Variants in DPP10 observed in about 807,000 individuals in gnomAD.
DPP10 encodes inactive dipeptidyl peptidase 10.
In DPP10, 33 loss-of-function variants were observed where a neutral mutation model predicts 120.9. The observed-to-expected ratio is 0.27, with a 90% CI of 0.21 to 0.37. The LOEUF is 0.37. Among genes scored for constraint, DPP10 ranks in the 10% least tolerant of loss-of-function variants. The pLI is 1.00. For missense variants in DPP10, 816 were observed against 942.8 expected (o/e 0.87, Z 1.76); for synonymous variants, 337 against 326.1 (o/e 1.03, Z -0.36).
chr2:115,013,993 C>G (rs760467999), intron 1 of DPP10, among the ~76,000 whole-genome samples: 3 of 152,066 alleles, frequency 2.0e-5, no homozygotes, highest in Non-Finnish European at 4.4e-5. Context: ...ACCAAGCAGA[C>G]CTAGTAGACA....
intron 11 of DPP10, among the ~76,000 whole-genome samples, chr2:115,754,695 T>A (rs2149758378): frequency 6.6e-6 from 1 of 152,242 alleles, no homozygotes; most frequent in African/African-American, 2.4e-5. Flanking sequence ...ATATGATCAA[T>A]ACTATATATG....
chr2:115,242,896 C>G (rs2058355014), intron 1 of DPP10, among the ~76,000 whole-genome samples: 1 of 152,000 alleles, frequency 6.6e-6, no homozygotes, highest in Admixed American at 6.6e-5. Flanking sequence ...CATATTTTAA[C>G]AACTAGCTTG....
intron 1 of DPP10, among the ~76,000 whole-genome samples, chr2:114,448,188 A>G (rs988795668): frequency 6.6e-6 from 1 of 152,186 alleles, no homozygotes; most frequent in Non-Finnish European, 1.5e-5. Flanking sequence ...TAAAATCAAA[A>G]GTTTCTTTTT....
Position 115,176,317 on chromosome 2 carries a change from A to G in DPP10, c.61-132922A>G, listed in dbSNP as rs1296628362. 2.7e-5 allele frequency among the ~76,000 whole-genome samples: 4 copies of G among 147,782 alleles called. No homozygotes were observed. The East Asian group carries it at 7.8e-4, about 29-fold the overall frequency. Reference sequence around the variant, plus strand: ...TTATATATAAATATATATTTGTTATATATAAACATTTTATATTTATAATAT... The same window carrying G: ...TTATATATAAATATATATTTGTTATGTATAAACATTTTATATTTATAATAT... On this transcript the variant is annotated intron_variant, in intron 1 of 25. Coordinates refer to ENST00000410059, the MANE Select transcript of DPP10 (RefSeq NM_020868.6).
intron 1 of DPP10, among the ~76,000 whole-genome samples, chr2:114,559,589 A>G (rs188297480): frequency 3.9e-5 from 6 of 152,138 alleles, no homozygotes; most frequent in Non-Finnish European, 8.8e-5. Flanking sequence ...CTCACATTGA[A>G]CCCTACCCAC....
intron 1 of DPP10, among the ~76,000 whole-genome samples, chr2:114,910,460 T>G (rs1487142068): frequency 1.3e-5 from 2 of 152,032 alleles, no homozygotes; most frequent in Non-Finnish European, 2.9e-5. Flanking sequence ...AATAGTGGCC[T>G]AATAACAAAT....
intron 13 of DPP10, among the ~76,000 whole-genome samples, chr2:115,770,545 A>G (rs1211067919): frequency 9.2e-5 from 14 of 151,776 alleles, no homozygotes. Flanking sequence ...AATTGATTAA[A>G]ATTAGTCTAC....
intron 1 of DPP10, among the ~76,000 whole-genome samples, chr2:114,447,057 C>T (rs915942047): frequency 2.5e-4 from 30 of 119,336 alleles, no homozygotes; most frequent in African/African-American, 7.3e-4. Context: ...TTTTTTGAGA[C>T]GGAGTCTCAG....
chr2:115,499,915 C>A (rs550943811), intron 4 of DPP10, among the ~76,000 whole-genome samples: 1 of 151,974 alleles, frequency 6.6e-6, no homozygotes, highest in African/African-American at 2.4e-5. Context: ...AGGTTAAAAA[C>A]AATGGCTCAT....
chr2:114,627,505 TA>T (rs954570703), intron 1 of DPP10, among the ~76,000 whole-genome samples: 1 of 152,054 alleles, frequency 6.6e-6, no homozygotes, highest in African/African-American at 2.4e-5. Flanking sequence ...AACACACTGT[TA>T]AAATGACCAG....
chr2:115,306,935 C>T (rs1212809271), intron 1 of DPP10, among the ~76,000 whole-genome samples: 1 of 151,994 alleles, frequency 6.6e-6, no homozygotes, highest in Non-Finnish European at 1.5e-5. Context: ...GTCCAAATAA[C>T]TTATTGATTT....
intron 5 of DPP10, among the ~76,000 whole-genome samples, chr2:115,626,672 G>A (rs1575377109): frequency 1.3e-5 from 2 of 152,262 alleles, no homozygotes; most frequent in East Asian, 1.9e-4. Context: ...TATGGAATGG[G>A]TATGTGTGGA....
chr2:115,280,404 C>A (rs1451593953), intron 1 of DPP10, among the ~76,000 whole-genome samples: 1 of 151,988 alleles, frequency 6.6e-6, no homozygotes, highest in Non-Finnish European at 1.5e-5. Context: ...TTCTTGAGGC[C>A]CAAAGCTGCA....
At chr2:115,081,718 A>G (rs1292431614) in intron 1 of DPP10, among the ~76,000 whole-genome samples, 3 of 152,200 alleles carry the variant, frequency 2.0e-5, no homozygotes, top group Non-Finnish European at 4.4e-5. Flanking sequence ...ATTTAGAACT[A>G]ATTGACAAAC....
Position 115,812,607 on chromosome 2 carries a change from A to G in DPP10, c.1701-2186A>G, listed in dbSNP as rs540023623. Among the ~76,000 whole-genome samples, 13 of 152,348 alleles carry G rather than the reference A, an allele frequency of 8.5e-5. No individual in the cohort carries two copies. The South Asian group carries it at 2.7e-3, about 32-fold the overall frequency. On this transcript the variant is annotated intron_variant, in intron 19 of 25. Coordinates refer to ENST00000410059, the MANE Select transcript of DPP10 (RefSeq NM_020868.6). The stretch of plus-strand genomic sequence containing the variant: ...TCAAGAGCCAAGGTTGCATAAATTA[A>G]AATACATTTAAAAAGAAAATATAAA...
intron 1 of DPP10, among the ~76,000 whole-genome samples, chr2:114,491,462 G>C (rs1262567934): frequency 6.6e-6 from 1 of 152,052 alleles, no homozygotes; most frequent in Non-Finnish European, 1.5e-5. Flanking sequence ...TCCTTTCTTT[G>C]CATCTCCATG....
At chr2:114,531,304 C>T (rs766243865) in intron 1 of DPP10, among the ~76,000 whole-genome samples, 25 of 152,020 alleles carry the variant, frequency 1.6e-4, no homozygotes, top group Non-Finnish European at 2.6e-4. Context: ...CTAAATATTC[C>T]GGTCTTCAAG....
At chr2:115,619,058 C>A (rs1447237928) in intron 5 of DPP10, among the ~76,000 whole-genome samples, 1 of 89,066 alleles carries the variant, frequency 1.1e-5, no homozygotes, top group Non-Finnish European at 2.1e-5. Context: ...GATTAAATAC[C>A]TGTGGTGCAA....
At chr2:114,733,675 T>A (rs558249840) in intron 1 of DPP10, among the ~76,000 whole-genome samples, 1 of 152,328 alleles carries the variant, frequency 6.6e-6, no homozygotes, top group Non-Finnish European at 1.5e-5. Context: ...CCCCTTCCTT[T>A]ATGTTTTAGA....
Sources: gnomAD v4.1 joint callset for allele counts (sites outside exome capture counted in the v4.1 genomes callset) on GRCh38, gnomAD v4.1.1 for gene constraint, MANE v1.5 for transcripts, NCBI Gene and HGNC (gene_info 2026-07-23, HGNC 2026-07-21) for gene names.